The following EIF3A variants were observed in gnomAD, a reference collection of about 807,000 sequenced individuals.
EIF3A encodes eukaryotic translation initiation factor 3 subunit A.
In EIF3A, 21 loss-of-function variants were observed where a neutral mutation model predicts 186.6. That is an observed-to-expected ratio of 0.11 (90% CI 0.08 to 0.16). The LOEUF (loss-of-function observed/expected upper bound fraction) is 0.16, where lower values mean the gene tolerates loss of function less well. Ranked by LOEUF, EIF3A falls within the 10% of genes least tolerant of loss-of-function variation. The pLI is 1.00. For synonymous variants in EIF3A, 563 were observed against 584.3 expected, an observed-to-expected ratio of 0.96 and a Z score of 0.52; for missense variants, 1,306 against 1,796.3, an observed-to-expected ratio of 0.73 and a Z score of 4.93.
At chr10:119,074,113 C>T (rs1450731752) in intron 1 of EIF3A, among the ~76,000 whole-genome samples, 176 bp from the exon 2 acceptor site, 2 of 150,354 alleles carry the variant, frequency 1.3e-5, no homozygotes, top group African/African-American at 2.5e-5. Context: ...ACAGAAAGAC[C>T]TGTACTGTGT....
chr10:119,041,938 A>G, intron 19 of EIF3A, 56 bp downstream of exon 19: 1 of 1,538,964 alleles, frequency 6.5e-7, no homozygotes, highest in South Asian at 1.2e-5. Context: ...TTTATCCATC[A>G]GAATTTCACT....
rs1279625447 is a variant in EIF3A at position 119,051,338 on chromosome 10, T to G, written c.2197-17A>C. ...TGTAGTAATCTGCAAGTACAAATAT[T>G]GTGAAATTTCAATGCACTTTTTTTT... On this transcript the variant is annotated splice_polypyrimidine_tract_variant and intron_variant, in intron 14 of 21. Transcript: ENST00000369144. 6.4e-7 allele frequency: 1 copy of G among 1,561,424 alleles called. No homozygotes were observed. The highest frequency in any genetic ancestry group is 8.6e-7 in the Non-Finnish European group (1 of 1,160,230).
rs1370864891 is a variant in EIF3A at position 119,058,075 on chromosome 10, C to G, written c.1858G>C (p.Glu620Gln). The G allele has an allele frequency of 1.2e-6, 2 of 1,614,110 alleles. No individual in the cohort carries two copies. The highest frequency in any genetic ancestry group is 2.7e-5 in the African/African-American group (2 of 74,944). Residue 620 changes from glutamate (E) to glutamine (Q), a missense_variant, in exon 12 of 22, where the codon GAG becomes CAG. Physicochemically the swap from Glu to Gln is conservative, Grantham distance 29. Around this residue, in one of 8 missense-constraint regions of EIF3A, gnomAD observed 94 missense variants for 204.9 expected, o/e 0.46. Transcript: ENST00000369144. Reference sequence around the variant, plus strand: ...TGTTCCTGTAAGATACGCTCCTTCTCTCTCTCCTTTGCTTCCTGGCGCAGC... The same window carrying G: ...TGTTCCTGTAAGATACGCTCCTTCTGTCTCTCCTTTGCTTCCTGGCGCAGC... ...ERLRQEAKEREKERILQEHEQ... is the reference protein window; with the variant it reads ...ERLRQEAKERQKERILQEHEQ...
At chr10:119,072,592 A>G (rs1246251394) in intron 4 of EIF3A, among the ~76,000 whole-genome samples, 1 of 152,150 alleles carries the variant, frequency 6.6e-6, no homozygotes, top group Non-Finnish European at 1.5e-5. Flanking sequence ...AGTTGGGATT[A>G]CAGGCATACA....
chr10:119,045,424 C>T (rs1349653583), intron 17 of EIF3A, among the ~76,000 whole-genome samples: 1 of 152,152 alleles, frequency 6.6e-6, no homozygotes, highest in Non-Finnish European at 1.5e-5. Flanking sequence ...CCCAAGTAAA[C>T]ACCTTGAGAG....
At chr10:119,036,950 T>C (rs1488648587) in intron 21 of EIF3A, among the ~76,000 whole-genome samples, 169 bp downstream of exon 21, 9 of 152,156 alleles carry the variant, frequency 5.9e-5, no homozygotes, top group Non-Finnish European at 1.3e-4. Context: ...AAGTGCACTT[T>C]ACAACATGAC....
At chr10:119,066,696 A>C (rs1166963118) in intron 6 of EIF3A, among the ~76,000 whole-genome samples, 1 of 151,974 alleles carries the variant, frequency 6.6e-6, no homozygotes, top group African/African-American at 2.4e-5. Flanking sequence ...GCATGGCAGG[A>C]CCCCAAAGAC....
intron 5 of EIF3A, 149 bp downstream of exon 5, chr10:119,070,736 TC>T: frequency 1.6e-6 from 1 of 622,784 alleles, no homozygotes; most frequent in Middle Eastern, 4.3e-4. Context: ...GATTTCTTGT[TC>T]AGAACTTTTC....
intron 17 of EIF3A, 92 bp from the exon 18 acceptor site, chr10:119,044,234 T>A (rs3740553): frequency 3.5e-6 from 3 of 863,560 alleles, no homozygotes; most frequent in Non-Finnish European, 5.7e-6. Context: ...TTTGTACTTA[T>A]AACAATATGA....
Position 119,072,024 on chromosome 10 carries a change from CAAAAAAAAAAAA to C in EIF3A, c.541+854_541+865del, listed in dbSNP as rs56100757. On this transcript the variant is annotated intron_variant, in intron 4 of 21. Coordinates refer to ENST00000369144, the MANE Select transcript of EIF3A (RefSeq NM_003750.4). ...TGGGCCACAGAGCAAGACTCTGTCT[CAAAAAAAAAAAA>C]AAAAAAAAAAGAAAGAAAAAAAGAA... Among the ~76,000 whole-genome samples the C allele has an allele frequency of 7.8e-3, 463 of 59,482 alleles. 5 individuals are homozygous for C. Among genetic ancestry groups the C allele is most frequent in the Non-Finnish European group, 0.01 (337 of 32,800 alleles). 39.0% of individuals were successfully genotyped at this position (59,482 alleles called of 152,430 possible).
chr10:119,036,065 C>T lies in EIF3A; in HGVS notation c.4123G>A (p.Asp1375Asn). The change falls in exon 22 of 22, where the codon GAT becomes AAT. Residue 1375 changes from aspartate to asparagine, a missense_variant. Physicochemically the swap from Asp to Asn is conservative, Grantham distance 23. Transcript: ENST00000369144. ...TAACGTCGTACTGTGGTCCATCCATCTTCATCAGTCTCATTTTTAGTACGA... is the reference window on the plus strand; with the variant it reads ...TAACGTCGTACTGTGGTCCATCCATTTTCATCAGTCTCATTTTTAGTACGA... ...LRRTKNETDEDGWTTVRR is the reference protein window; with the variant it reads ...LRRTKNETDENGWTTVRR The T allele has an allele frequency of 1.2e-6, 2 of 1,614,014 alleles. No homozygotes were observed.
Position 119,058,313 on chromosome 10 carries a change from C to T in EIF3A, c.1630-10G>A. 1 of 1,537,798 alleles carries T rather than the reference C, an allele frequency of 6.5e-7. No individual in the cohort carries two copies. The stretch of plus-strand genomic sequence containing the variant: ...GTTCTTCTTTCTCTTGCTTCAAAAA[C>T]AAATGAATTTTTTTACATGACCAAA... On this transcript the variant is annotated splice_polypyrimidine_tract_variant and intron_variant, in intron 11 of 21. Coordinates refer to ENST00000369144, the MANE Select transcript of EIF3A (RefSeq NM_003750.4).
intron 7 of EIF3A, 32 bp from the exon 8 acceptor site, chr10:119,061,360 CA>C (rs1481162910): frequency 2.0e-6 from 2 of 992,402 alleles, no homozygotes; most frequent in East Asian, 2.6e-5. Context: ...ATGTAACTGC[CA>C]AAGGAAATTT....
At position 119,042,913 on chromosome 10, in the gene EIF3A, G is replaced by GATTA; in HGVS notation, c.2748-142_2748-141insTAAT. The GATTA allele has an allele frequency of 5.6e-6, 5 of 887,482 alleles. No individual in the cohort carries two copies. The highest frequency in any genetic ancestry group is 8.2e-6 in the Non-Finnish European group (5 of 607,834). The allele number at this position is 887,482 out of a possible 1,614,324, so 55.0% of individuals were successfully genotyped here. A position where few individuals can be genotyped will look rare whatever the true frequency, so the allele number is the denominator to read the frequency against. On this transcript the variant is annotated intron_variant, in intron 18 of 21. Coordinates refer to ENST00000369144, the MANE Select transcript of EIF3A (RefSeq NM_003750.4). This position sits in a 1 kb window ranked among gnomAD's most constrained non-coding sequence, Gnocchi z 7.8. The stretch of plus-strand genomic sequence containing the variant: ...CGCACCTTTAATCCCAGCACTCTGG[G>GATTA]AAGCAGAGGCAGGCAGATCACCTGA...
Position 119,060,800 on chromosome 10 carries a change from C to A in EIF3A, c.1272G>T (p.Leu424Phe), listed in dbSNP as rs1843872192. ...TTTGCAGTTGTGGCACATACTGCTG[C>A]AATTCCGGTTCCTTTTCAGGTTGTT... is the stretch of plus-strand genomic sequence containing the variant. ...VREQPEKEPE[L>F]QQYVPQLQNN... Residue 424 changes from leucine (L) to phenylalanine (F), a missense_variant, in exon 9 of 22, where the codon TTG becomes TTT. By Grantham distance (22) the Leu-to-Phe change is conservative (BLOSUM62 0). Coordinates refer to ENST00000369144, the MANE Select transcript of EIF3A (RefSeq NM_003750.4). 1 of 1,612,258 alleles carries A rather than the reference C, an allele frequency of 6.2e-7. No homozygotes were observed. Among genetic ancestry groups the A allele is most frequent in the Non-Finnish European group, 8.5e-7 (1 of 1,179,256 alleles).
intron 9 of EIF3A, among the ~76,000 whole-genome samples, chr10:119,060,458 A>G (rs191633955): frequency 6.6e-6 from 1 of 152,352 alleles, no homozygotes; most frequent in African/African-American, 2.4e-5. Context: ...GTTTTCATCA[A>G]GAGAGTCTGA....
Position 119,049,947 on chromosome 10 carries a change from C to T in EIF3A, c.2512G>A (p.Glu838Lys), listed in dbSNP as rs781574536. 9.3e-6 allele frequency: 15 copies of T among 1,614,022 alleles called. No individual in the cohort carries two copies. The highest frequency in any genetic ancestry group is 1.2e-5 in the Non-Finnish European group (14 of 1,180,034). Residue 838 changes from glutamate (E) to lysine (K), a missense_variant, in exon 17 of 22, where the codon GAG becomes AAG. By Grantham distance (56) the Glu-to-Lys change is moderately conservative. Transcript: ENST00000369144. ...TCCTGATACTCTCGTAGCTCTTCCT[C>T]GCGTTTTGCTCGTTCGGCGCGCTCT... is the stretch of plus-strand genomic sequence containing the variant. ...ERERAERAKR[E>K]EELREYQERV...
At chr10:119,077,192 C>A (rs770412259) in intron 1 of EIF3A, among the ~76,000 whole-genome samples, 1 of 152,050 alleles carries the variant, frequency 6.6e-6, no homozygotes, top group Admixed American at 6.6e-5. Context: ...TAGCCAGGCG[C>A]GGTGGCTCAC....
rs1020586839 is a variant in EIF3A at position 119,057,057 on chromosome 10, A to T, written c.1978-17T>A. 1.4e-6 allele frequency: 2 copies of T among 1,458,906 alleles called. No individual in the cohort carries two copies. The highest frequency in any genetic ancestry group is 1.2e-5 in the South Asian group (1 of 83,808). 90.4% of individuals were successfully genotyped at this position (1,458,906 alleles called of 1,614,324 possible). ...CTCAAGGTCCTGAAAGGTAATACAA[A>T]TGCACAATTGTTAATAAAGAGAAAC... On this transcript the variant is annotated splice_polypyrimidine_tract_variant and intron_variant, in intron 12 of 21. Transcript: ENST00000369144.
Sources: allele counts gnomAD v4.1 joint callset (sites outside exome capture counted in the v4.1 genomes callset), GRCh38; gene constraint gnomAD v4.1.1; regional missense constraint gnomAD v4.1.1; non-coding constraint Gnocchi (gnomAD v3.1); transcripts MANE v1.5; gene names NCBI Gene and HGNC (gene_info 2026-07-23, HGNC 2026-07-21).